The following DIMT1 variants were observed in gnomAD, a reference collection of about 807,000 sequenced individuals.
DIMT1 encodes the protein DIM1 rRNA methyltransferase and ribosome maturation factor.
Under a neutral mutation model 43.2 loss-of-function variants are expected in DIMT1, and 36 were observed. The observed-to-expected ratio is 0.83, with a 90% CI of 0.64 to 1.10. DIMT1 has a LOEUF of 1.10. Ranked by LOEUF, DIMT1 falls within the 50% of genes least tolerant of loss-of-function variation. DIMT1 has a pLI of 0.00. For synonymous variants in DIMT1, 126 were observed against 130.3 expected, an observed-to-expected ratio of 0.97 and a Z score of 0.22; for missense variants, 341 against 385.3, an observed-to-expected ratio of 0.88 and a Z score of 0.96.
At chr5:62,389,900 G>A (rs181012969) in intron 11 of DIMT1, among the ~76,000 whole-genome samples, 3 of 152,272 alleles carry the variant, frequency 2.0e-5, no homozygotes, top group East Asian at 3.9e-4. Context: ...TAGACCTGAG[G>A]TTATGTTTAG....
Position 62,402,123 on chromosome 5 carries a change from CT to C in DIMT1, c.154-2del. The C allele has an allele frequency of 6.2e-7, 1 of 1,613,736 alleles. No individual in the cohort carries two copies. Among genetic ancestry groups the C allele is most frequent in the Non-Finnish European group, 8.5e-7 (1 of 1,179,820 alleles). ...CTACATCAGTTGGTCTTAAGGCAGC[CT>C]AAAAGCAAGCACAAACACTTTAGCT... On this transcript the variant is annotated splice_acceptor_variant, in intron 2 of 11. Coordinates refer to ENST00000199320, the MANE Select transcript of DIMT1 (RefSeq NM_014473.4). LOFTEE classifies it high-confidence loss of function.
Position 62,398,587 on chromosome 5 carries a change from C to T in DIMT1, c.397-27G>A, listed in dbSNP as rs200872263. 6.8e-5 allele frequency: 110 copies of T among 1,612,480 alleles called. No homozygotes were observed. Among genetic ancestry groups the T allele is most frequent in the African/African-American group, 1.6e-4 (12 of 74,984 alleles). Reference sequence around the variant, plus strand: ...TGTAAGAGAATTAACTAGTTATTTCCGGGAAAGACACATCAGAGGAACAGT... The same window carrying T: ...TGTAAGAGAATTAACTAGTTATTTCTGGGAAAGACACATCAGAGGAACAGT... On this transcript the variant is annotated intron_variant, in intron 5 of 11. Transcript: ENST00000199320.
At chr5:62,391,208 A>T (rs1742295898) in intron 10 of DIMT1, 2 of 423,302 alleles carry the variant, frequency 4.7e-6, no homozygotes, top group Non-Finnish European at 8.3e-6. Context: ...TGTCTATATT[A>T]GCCATTTTCT....
chr5:62,397,137 A>G (rs557857879), intron 6 of DIMT1, among the ~76,000 whole-genome samples: 4 of 151,968 alleles, frequency 2.6e-5, no homozygotes, highest in African/African-American at 9.6e-5. Flanking sequence ...TTTAGTAGAG[A>G]TGGGGTTTCA....
At chr5:62,389,105 T>C in intron 11 of DIMT1, 53 bp from the exon 12 acceptor site, 1 of 1,480,122 alleles carries the variant, frequency 6.8e-7, no homozygotes, top group East Asian at 2.3e-5. Context: ...TTGTAGCACA[T>C]AACGGTATAT....
In DIMT1 at chr5:62,398,553, G is replaced by A; in HGVS notation, c.404C>T (p.Ser135Leu). ...CVANLPYQISSPFVFKLLLHR... is the reference protein window; with the variant it reads ...CVANLPYQISLPFVFKLLLHR... Reference sequence around the variant, plus strand: ...TAGCAACAGCTTGAAGACAAAAGGTGAAGAGATCTGTAAGAGAATTAACTA... The same window carrying A: ...TAGCAACAGCTTGAAGACAAAAGGTAAAGAGATCTGTAAGAGAATTAACTA... Residue 135 changes from serine to leucine, a missense_variant, in exon 6 of 12, where the codon TCA (serine) becomes TTA (leucine). Physicochemically the swap from Ser to Leu is moderately radical, Grantham distance 145. Transcript: ENST00000199320. 6.2e-7 allele frequency: 1 copy of A among 1,612,586 alleles called. No homozygotes were observed. The highest frequency in any genetic ancestry group is 8.5e-7 in the Non-Finnish European group (1 of 1,178,688).
At chr5:62,389,953 A>G (rs1742225267) in intron 11 of DIMT1, among the ~76,000 whole-genome samples, 1 of 152,234 alleles carries the variant, frequency 6.6e-6, no homozygotes, top group African/African-American at 2.4e-5. Flanking sequence ...CTAAAAAAGC[A>G]AAGTAGATAT....
intron 11 of DIMT1, among the ~76,000 whole-genome samples, chr5:62,390,299 C>G (rs764662474): frequency 2.0e-5 from 3 of 152,112 alleles, no homozygotes; most frequent in Non-Finnish European, 2.9e-5. Context: ...TTAATTCAAG[C>G]AAAACAAATT....
intron 10 of DIMT1, 100 bp from the exon 11 acceptor site, chr5:62,391,082 A>T (rs1384876815): frequency 1.1e-6 from 1 of 901,844 alleles, no homozygotes; most frequent in African/African-American, 1.7e-5. Flanking sequence ...GTCACCTTTA[A>T]TATATCTGTT....
Position 62,394,526 on chromosome 5 carries a change from T to C in DIMT1, c.528A>G (p.Ser176=), listed in dbSNP as rs1742412770. The change falls in exon 7 of 12, where the codon TCA becomes TCG. Residue 176 remains serine (S), a synonymous_variant. Coordinates refer to ENST00000199320, the MANE Select transcript of DIMT1 (RefSeq NM_014473.4). ...CACGTGCCAACAGCTGTGTATTAAT[T>C]GAGAGTCTGCAGTATAACTTATCTC... ...KPGDKLYCRL[S]INTQLLARVD... 1 of 1,614,194 alleles carries C rather than the reference T, an allele frequency of 6.2e-7. No homozygotes were observed. The highest frequency in any genetic ancestry group is 2.2e-5 in the East Asian group (1 of 44,888).
Position 62,403,681 on chromosome 5 carries a change from C to A in DIMT1, c.79+13G>T. ...GACCCGACCGACCCCAGCTTCCTCG[C>A]GGGGATCCGCACCTCCAGCGCTCTT... On this transcript the variant is annotated intron_variant, in intron 1 of 11. Transcript: ENST00000199320. 6.2e-7 allele frequency: 1 copy of A among 1,603,520 alleles called. No homozygotes were observed. The highest frequency in any genetic ancestry group is 8.5e-7 in the Non-Finnish European group (1 of 1,175,942).
chr5:62,390,903 C>A lies in DIMT1; in HGVS notation c.872G>T (p.Arg291Leu). The change falls in exon 11 of 12, where the codon CGT becomes CTT. Residue 291 changes from arginine (R) to leucine (L), a missense_variant. Physicochemically the swap from Arg to Leu is moderately radical, Grantham distance 102. Transcript: ENST00000199320. ...GATGAAGTCATCTATGTCCATGGAA[C>A]GGGCCCGTTTGTCACTAAAACCTGT... Reference protein sequence around the residue: ...TSTGFSDKRARSMDIDDFIRL... With the variant: ...TSTGFSDKRALSMDIDDFIRL... 3.7e-6 allele frequency: 6 copies of A among 1,612,004 alleles called. No homozygotes were observed. The highest frequency in any genetic ancestry group is 5.1e-6 in the Non-Finnish European group (6 of 1,179,820).
At chr5:62,389,284 G>C (rs1282223689) in intron 11 of DIMT1, among the ~76,000 whole-genome samples, 1 of 151,866 alleles carries the variant, frequency 6.6e-6, no homozygotes, top group Non-Finnish European at 1.5e-5. Context: ...TCAGTAGTTC[G>C]AGAACAGTCT....
intron 6 of DIMT1, among the ~76,000 whole-genome samples, chr5:62,397,326 TTTTTG>T (rs1006068424): frequency 6.6e-6 from 1 of 152,202 alleles, no homozygotes; most frequent in Non-Finnish European, 1.5e-5. Flanking sequence ...AGTACAATGT[TTTTTG>T]TTTTGTTTTT....
chr5:62,403,847 G>A lies in DIMT1; in HGVS notation c.-75C>T, dbSNP rs1194497071. 6.1e-6 allele frequency: 9 copies of A among 1,487,178 alleles called. No homozygotes were observed. Among genetic ancestry groups the A allele is most frequent in the Non-Finnish European group, 7.3e-6 (8 of 1,093,708 alleles). 92.1% of individuals were successfully genotyped at this position (1,487,178 alleles called of 1,614,324 possible). A position where few individuals can be genotyped will look rare whatever the true frequency, so the allele number is the denominator to read the frequency against. On this transcript the variant is annotated 5_prime_UTR_variant, in exon 1 of 12. It adds an upstream start codon to the 5' untranslated region. Coordinates refer to ENST00000199320, the MANE Select transcript of DIMT1 (RefSeq NM_014473.4). ...AGGGCTAGCGTGAGAAAGCCACCAC[G>A]TGGGGATCGCCGCCACGCGCCGCCC... is the stretch of plus-strand genomic sequence containing the variant.
intron 11 of DIMT1, 138 bp downstream of exon 11, chr5:62,390,738 C>T (rs1742270410): frequency 1.5e-6 from 1 of 688,272 alleles, no homozygotes; most frequent in South Asian, 1.8e-5. Context: ...ACACCAAATA[C>T]TATTCCATGC....
intron 9 of DIMT1, 91 bp from the exon 10 acceptor site, chr5:62,392,325 C>T: frequency 1.1e-6 from 1 of 922,050 alleles, no homozygotes; most frequent in Non-Finnish European, 1.7e-6. Flanking sequence ...AATACATAAG[C>T]CATTTAAGCA....
chr5:62,387,874 G>A lies in DIMT1; in HGVS notation c.*1136C>T, dbSNP rs1742112328. ...TAGTAACATTTACTATGACTTTGAA[G>A]CCAGATTTCAAAATCTGGCTTTGTT... On this transcript the variant is annotated 3_prime_UTR_variant, in exon 12 of 12. Transcript: ENST00000199320. 6.6e-6 allele frequency: 1 copy of A among 151,888 alleles called. No homozygotes were observed. The highest frequency in any genetic ancestry group is 2.1e-4 in the South Asian group (1 of 4,818). The allele number at this position is 151,888 out of a possible 1,614,324, so 9.4% of individuals were successfully genotyped here.
Position 62,390,794 on chromosome 5 carries a change from G to A in DIMT1, c.899+82C>T, listed in dbSNP as rs115925120. ...ACTCTCCCAGGTAGCACCTTATACCGCTTAAAAGCCTTTAAAATCTCCAAT... is the reference window on the plus strand; with the variant it reads ...ACTCTCCCAGGTAGCACCTTATACCACTTAAAAGCCTTTAAAATCTCCAAT... On this transcript the variant is annotated intron_variant, in intron 11 of 11. Transcript: ENST00000199320. 6.0e-4 allele frequency: 710 copies of A among 1,176,542 alleles called. 6 individuals are homozygous for A. In the African/African-American group the frequency reaches 9.6e-3, roughly 16 times the overall value. The allele number at this position is 1,176,542 out of a possible 1,614,324, so 72.9% of individuals were successfully genotyped here.
Sources: gnomAD v4.1 joint callset for allele counts (sites outside exome capture counted in the v4.1 genomes callset) on GRCh38, gnomAD v4.1.1 for gene constraint, MANE v1.5 for transcripts, NCBI Gene and HGNC (gene_info 2026-07-23, HGNC 2026-07-21) for gene names.